NSUN6: variants seen among roughly 807,000 people sequenced by gnomAD.
NSUN6 encodes the protein tRNA (cytosine(72)-C(5))-methyltransferase NSUN6.
In NSUN6, 64 loss-of-function variants were observed where a neutral mutation model predicts 58.0. That is an observed-to-expected ratio of 1.10 (90% CI 0.90 to 1.36). The LOEUF (loss-of-function observed/expected upper bound fraction) is 1.36. NSUN6 is among the 40% of genes most tolerant of loss of function. NSUN6 has a pLI of 0.00. For missense variants in NSUN6, 701 were observed against 550.1 expected (o/e 1.27, Z -2.74); for synonymous variants, 231 against 193.9 (o/e 1.19, Z -1.59).
upstream of NSUN6, among the ~76,000 whole-genome samples, chr10:18,657,009 G>A (rs1023061752): frequency 6.6e-6 from 1 of 151,512 alleles, no homozygotes; most frequent in Non-Finnish European, 1.5e-5. Flanking sequence ...GTATTTTTTT[G>A]GAGAGACAGG....
At chr10:18,623,896 A>C (rs1234481663) in intron 3 of NSUN6, among the ~76,000 whole-genome samples, 1 of 152,144 alleles carries the variant, frequency 6.6e-6, no homozygotes, top group African/African-American at 2.4e-5. Context: ...ACTTCCCAGA[A>C]AACTTATCTG....
At position 18,647,725 on chromosome 10, in the gene NSUN6, GTTTTT is replaced by G. The variant is rs571301351; in HGVS notation, c.231+760_231+764del. Among the ~76,000 whole-genome samples, 589 of 100,064 alleles carry G rather than the reference GTTTTT, an allele frequency of 5.9e-3. 27 individuals are homozygous for G. Among genetic ancestry groups the G allele is most frequent in the African/African-American group, 0.014 (343 of 24,744 alleles). 65.6% of individuals were successfully genotyped at this position (100,064 alleles called of 152,430 possible). A position where few individuals can be genotyped will look rare whatever the true frequency, so the allele number is the denominator to read the frequency against. On this transcript the variant is annotated intron_variant, in intron 2 of 10. Transcript: ENST00000377304. ...TAAAACATAAGGCGCTCAACACCTT[GTTTTT>G]TTTTTTTTTTTTTTTTTTTTTTGAG...
At chr10:18,658,935 ACTC>A (rs1392883692), upstream of NSUN6, among the ~76,000 whole-genome samples, 1 of 152,202 alleles carries the variant, frequency 6.6e-6, no homozygotes, top group Non-Finnish European at 1.5e-5. Context: ...TCACGGCAGA[ACTC>A]CTAACCCCTA....
At chr10:18,619,949 A>T (rs1766654516) in intron 3 of NSUN6, among the ~76,000 whole-genome samples, 1 of 152,100 alleles carries the variant, frequency 6.6e-6, no homozygotes, top group Admixed American at 6.6e-5. Flanking sequence ...ATTATAAAAC[A>T]TCCCTTTTTT....
chr10:18,638,983 G>T (rs534902933), intron 3 of NSUN6, among the ~76,000 whole-genome samples: 182 of 147,616 alleles, frequency 1.2e-3, no homozygotes, highest in African/African-American at 1.8e-3. Context: ...GGCCGGCCAT[G>T]GTGGCTGGCA....
At chr10:18,559,710 A>G (rs1377904849) in intron 8 of NSUN6, among the ~76,000 whole-genome samples, 2 of 150,352 alleles carry the variant, frequency 1.3e-5, no homozygotes, top group Non-Finnish European at 3.0e-5. Flanking sequence ...TGCAATGAAG[A>G]ATGAAATGGA....
chr10:18,652,569 CTT>C (rs532727978), upstream of NSUN6: 20,345 of 855,392 alleles, frequency 0.024, no homozygotes, highest in Middle Eastern at 0.026. Flanking sequence ...TTTCTCTGCT[CTT>C]TTTTTTTTTT....
At chr10:18,575,553 C>G (rs963694135) in intron 8 of NSUN6, among the ~76,000 whole-genome samples, 2 of 152,120 alleles carry the variant, frequency 1.3e-5, no homozygotes, top group African/African-American at 4.8e-5. Context: ...AAAAGCTATC[C>G]CAAACATTAG....
chr10:18,583,100 T>C (rs539717509), intron 8 of NSUN6, among the ~76,000 whole-genome samples: 30 of 152,332 alleles, frequency 2.0e-4, no homozygotes, highest in African/African-American at 5.3e-4. Context: ...ACTGATCAAC[T>C]AAAATTATAA....
Position 18,564,072 on chromosome 10 carries a change from T to C in NSUN6, c.923-12101A>G, listed in dbSNP as rs372441435. On this transcript the variant is annotated intron_variant, in intron 8 of 10. Transcript: ENST00000377304. ...ATTTCATTTCATTCCATTCCATTCT[T>C]GATTCCATTCCATTTCTTCCATTCT... 7.5e-4 allele frequency among the ~76,000 whole-genome samples: 113 copies of C among 150,870 alleles called. 1 individual carries two copies. Among genetic ancestry groups the C allele is most frequent in the African/African-American group, 2.7e-3 (112 of 41,290 alleles).
intron 6 of NSUN6, among the ~76,000 whole-genome samples, chr10:18,601,169 T>C (rs1275152273): frequency 6.6e-6 from 1 of 151,468 alleles, no homozygotes; most frequent in Non-Finnish European, 1.5e-5. Flanking sequence ...AGATAATATA[T>C]ATTCAAAGTG....
chr10:18,602,911 G>C (rs1035480429), intron 6 of NSUN6, among the ~76,000 whole-genome samples: 3 of 152,164 alleles, frequency 2.0e-5, no homozygotes, highest in African/African-American at 4.8e-5. Flanking sequence ...TTATTTATGA[G>C]GCTTATCAAG....
intron 3 of NSUN6, among the ~76,000 whole-genome samples, chr10:18,622,519 G>A (rs1353507940): frequency 4.6e-5 from 7 of 152,210 alleles, no homozygotes; most frequent in African/African-American, 1.7e-4. Context: ...TTCGAGACCA[G>A]CCTGGCCAAC....
At chr10:18,602,271 T>G (rs1359441758) in intron 6 of NSUN6, among the ~76,000 whole-genome samples, 6 of 146,664 alleles carry the variant, frequency 4.1e-5, no homozygotes, top group Non-Finnish European at 1.5e-5. Flanking sequence ...TGAGACGGAG[T>G]CTTGCTCTGT....
At chr10:18,567,427 T>C (rs2056039660) in intron 8 of NSUN6, among the ~76,000 whole-genome samples, 1 of 150,528 alleles carries the variant, frequency 6.6e-6, no homozygotes, top group African/African-American at 2.4e-5. Flanking sequence ...CTCCATTTCA[T>C]TCCATGCTCC....
At chr10:18,551,612 T>C in intron 9 of NSUN6, 1 of 412,150 alleles carries the variant, frequency 2.4e-6, no homozygotes, top group Non-Finnish European at 4.3e-6. Context: ...ATGTTGTGCC[T>C]GTATCAGAAT....
intron 8 of NSUN6, among the ~76,000 whole-genome samples, chr10:18,583,298 C>G (rs1295598029): frequency 6.6e-6 from 1 of 152,092 alleles, no homozygotes; most frequent in African/African-American, 2.4e-5. Flanking sequence ...TAAGGCAACC[C>G]CTTCCTTATC....
At chr10:18,630,762 A>G (rs2059001378) in intron 3 of NSUN6, among the ~76,000 whole-genome samples, 4 of 152,330 alleles carry the variant, frequency 2.6e-5, no homozygotes, top group South Asian at 2.1e-4. Context: ...GGCAATAATC[A>G]ATAGCTTACC....
Position 18,551,930 on chromosome 10 carries a change from G to C in NSUN6, c.964C>G (p.Leu322Val). 6.2e-7 allele frequency: 1 copy of C among 1,609,222 alleles called. No homozygotes were observed. Among genetic ancestry groups the C allele is most frequent in the Non-Finnish European group, 8.5e-7 (1 of 1,176,026 alleles). Residue 322 changes from leucine (L) to valine (V), a missense_variant, in exon 9 of 11, where the codon CTG becomes GTG. Transcript: ENST00000377304. Reference protein sequence around the residue: ...FLPESFDRILLDAPCSGMGQR... With the variant: ...FLPESFDRILVDAPCSGMGQR... ...CCCATTCCACTACAGGGTGCATCCAGAAGAATTCGGTCAAAGGATTCTGGT... is the reference window on the plus strand; with the variant it reads ...CCCATTCCACTACAGGGTGCATCCACAAGAATTCGGTCAAAGGATTCTGGT...
Sources: gnomAD v4.1 joint callset for allele counts (sites outside exome capture counted in the v4.1 genomes callset) on GRCh38, gnomAD v4.1.1 for gene constraint, MANE v1.5 for transcripts, NCBI Gene and HGNC (gene_info 2026-07-23, HGNC 2026-07-21) for gene names.